Variants in MANBA observed in about 807,000 individuals in gnomAD.
The protein encoded by MANBA is beta-mannosidase.
MANBA carries 83 observed loss-of-function variants against 111.1 expected under a neutral mutation model. That is an observed-to-expected ratio of 0.75 (90% CI 0.63 to 0.90). The LOEUF (loss-of-function observed/expected upper bound fraction) is 0.90. MANBA is among the 40% of genes least tolerant of loss of function. The pLI is 0.00. For synonymous variants in MANBA, 370 were observed against 378.7 expected (o/e 0.98, Z 0.27); for missense variants, 1,036 against 1,069.0 (o/e 0.97, Z 0.43).
intron 5 of MANBA, among the ~76,000 whole-genome samples, chr4:102,702,515 T>C (rs1733106620): frequency 6.6e-6 from 1 of 152,106 alleles, no homozygotes; most frequent in Admixed American, 6.6e-5. Flanking sequence ...TTGATGATGG[T>C]GATGTACAGA....
intron 12 of MANBA, among the ~76,000 whole-genome samples, chr4:102,657,230 G>C (rs543340786): frequency 0.013 from 1,479 of 111,980 alleles, 58 homozygotes; most frequent in African/African-American, 0.038. Context: ...GGTGGGGGGG[G>C]GGTGGGCGGT....
At chr4:102,675,230 T>C (rs1265595983) in intron 7 of MANBA, among the ~76,000 whole-genome samples, 2 of 152,250 alleles carry the variant, frequency 1.3e-5, no homozygotes, top group Non-Finnish European at 2.9e-5. Context: ...TCCTTGACTT[T>C]ACTTAGAGTA....
rs80238225 is a variant in MANBA, at chr4:102,729,173, T to C, written c.178-2490A>G. 5.3e-3 allele frequency: 3,862 copies of C among 722,880 alleles called. 76 individuals carry two copies. The highest frequency in any genetic ancestry group is 0.043 in the African/African-American group (2,485 of 57,866). 44.8% of individuals were successfully genotyped at this position (722,880 alleles called of 1,614,324 possible). Reference sequence around the variant, plus strand: ...CCTGTGCTGCAGACATCTGTGATGGTGCCCTCCAGGGAAGCCCTCTGGCCT... The same window carrying C: ...CCTGTGCTGCAGACATCTGTGATGGCGCCCTCCAGGGAAGCCCTCTGGCCT... On this transcript the variant is annotated intron_variant, in intron 1 of 16. Coordinates refer to ENST00000647097, the MANE Select transcript of MANBA (RefSeq NM_005908.4).
chr4:102,729,371 C>T (rs1048480936), intron 1 of MANBA: 14 of 794,038 alleles, frequency 1.8e-5, no homozygotes, highest in Admixed American at 1.4e-4. Context: ...GCGATCTCCT[C>T]GTATGGTGCC....
intron 5 of MANBA, among the ~76,000 whole-genome samples, chr4:102,713,248 G>A (rs1385165502): frequency 2.0e-5 from 3 of 152,070 alleles, no homozygotes; most frequent in Non-Finnish European, 2.9e-5. Context: ...TTAGGCCTCC[G>A]TGTGATTACA....
At chr4:102,690,794 AATAT>A (rs143832054) in intron 5 of MANBA, 23 bp from the exon 6 acceptor site, 110 of 788,556 alleles carry the variant, frequency 1.4e-4, no homozygotes, top group East Asian at 2.2e-4. Flanking sequence ...AAGAAAAAGA[AATAT>A]ATATATATAT....
chr4:102,693,448 A>G (rs955075146), intron 5 of MANBA, among the ~76,000 whole-genome samples: 2 of 152,182 alleles, frequency 1.3e-5, no homozygotes, highest in African/African-American at 4.8e-5. Context: ...GAAGAAACAG[A>G]TATCCGTCTC....
At chr4:102,722,618 A>G (rs1722627573) in intron 4 of MANBA, 4 of 481,150 alleles carry the variant, frequency 8.3e-6, no homozygotes, top group South Asian at 6.8e-5. Flanking sequence ...TATCAGCCAC[A>G]TATTTTTCCT....
At chr4:102,725,883 G>A (rs1722773614) in intron 2 of MANBA, among the ~76,000 whole-genome samples, 1 of 152,134 alleles carries the variant, frequency 6.6e-6, no homozygotes, top group South Asian at 2.1e-4. Flanking sequence ...GGAAAATGGT[G>A]TTACATCAAG....
intron 7 of MANBA, chr4:102,679,589 T>C (rs1219926127): frequency 6.6e-6 from 1 of 152,064 alleles, no homozygotes; most frequent in Non-Finnish European, 1.5e-5. Flanking sequence ...GAAATAATAA[T>C]ATTTGCTATT....
chr4:102,752,129 G>A, intron 1 of MANBA: 1 of 768,630 alleles, frequency 1.3e-6, no homozygotes, highest in Non-Finnish European at 2.4e-6. Context: ...GACTCCCATA[G>A]TGACCCTCTC....
intron 13 of MANBA, among the ~76,000 whole-genome samples, chr4:102,643,100 AAG>A (rs1729953117): frequency 6.6e-6 from 1 of 152,138 alleles, no homozygotes; most frequent in Non-Finnish European, 1.5e-5. Context: ...CCATACTGGG[AAG>A]CAGTCACTCC....
intron 1 of MANBA, chr4:102,734,279 G>A: frequency 2.9e-6 from 4 of 1,390,880 alleles, no homozygotes; most frequent in Non-Finnish European, 2.9e-6. Context: ...CTCTTCCGGG[G>A]GAGAAGGGCA....
intron 1 of MANBA, among the ~76,000 whole-genome samples, chr4:102,750,370 C>A (rs1319980711): frequency 6.6e-6 from 1 of 151,830 alleles, no homozygotes; most frequent in African/African-American, 2.4e-5. Context: ...AATATTTCAT[C>A]CTTACAAGTC....
intron 5 of MANBA, among the ~76,000 whole-genome samples, chr4:102,692,587 C>T (rs532083897): frequency 6.6e-6 from 1 of 152,180 alleles, no homozygotes; most frequent in East Asian, 1.9e-4. Context: ...AGAAACTGGT[C>T]ATGAGATCTC....
intron 1 of MANBA, chr4:102,734,562 A>G (rs1271508193): frequency 2.5e-6 from 4 of 1,608,180 alleles, no homozygotes. Flanking sequence ...GCCCAAGGCT[A>G]CTGTTCCTTC....
rs780585162 is a variant in MANBA at position 102,726,667 on chromosome 4, A to T, written c.194T>A (p.Phe65Tyr). Residue 65 changes from phenylalanine (F) to tyrosine (Y), a missense_variant, in exon 2 of 17, where the codon TTT becomes TAT. By Grantham distance (22) the Phe-to-Tyr change is conservative. Coordinates refer to ENST00000647097, the MANE Select transcript of MANBA (RefSeq NM_005908.4). The part of the protein sequence containing the change: ...QGLIQDSYYR[F>Y]NDLNYRWVSL... ...GACCCATCTGTAGTTAAGGTCATTA[A>T]ATCTGTAGTAAGAATCCTGTTGATA... The T allele has an allele frequency of 6.5e-7, 1 of 1,544,208 alleles. No individual in the cohort carries two copies. Among genetic ancestry groups the T allele is most frequent in the South Asian group, 1.1e-5 (1 of 89,250 alleles).
intron 5 of MANBA, among the ~76,000 whole-genome samples, chr4:102,702,148 G>A (rs1284287934): frequency 1.5e-4 from 23 of 151,624 alleles, no homozygotes; most frequent in African/African-American, 3.2e-4. Flanking sequence ...CCAGTTGATC[G>A]CATCGGCTCC....
rs769042233 is a variant in MANBA, at chr4:102,690,719, GACA to G, written c.723_725del (p.Val242del). The G allele has an allele frequency of 6.2e-7, 1 of 1,604,364 alleles. No homozygotes were observed. The highest frequency in any genetic ancestry group is 8.5e-7 in the Non-Finnish European group (1 of 1,173,976). On this transcript the variant is annotated inframe_deletion, in exon 6 of 17. Coordinates refer to ENST00000647097, the MANE Select transcript of MANBA (RefSeq NM_005908.4). ...CTTGACCACCAACTGGCTTTGAGCT[GACA>G]ACATCAAATGTAGACTCTATTTCCA...
Sources: allele counts gnomAD v4.1 joint callset (sites outside exome capture counted in the v4.1 genomes callset), GRCh38; gene constraint gnomAD v4.1.1; transcripts MANE v1.5; gene names NCBI Gene and HGNC (gene_info 2026-07-23, HGNC 2026-07-21).